YEATS4: variants seen among roughly 807,000 people sequenced by gnomAD.
YEATS4 encodes the protein YEATS domain-containing protein 4.
Under a neutral mutation model 30.1 loss-of-function variants are expected in YEATS4, and 17 were observed. The observed-to-expected ratio is 0.56, with a 90% confidence interval of 0.39 to 0.85. The LOEUF (loss-of-function observed/expected upper bound fraction) is 0.85, where lower values mean the gene tolerates loss of function less well. Among genes scored for constraint, YEATS4 ranks in the 40% least tolerant of loss-of-function variants. YEATS4 has a pLI of 0.00. For missense variants in YEATS4, 142 were observed against 268.3 expected (o/e 0.53, Z 3.29); for synonymous variants, 85 against 87.5 (o/e 0.97, Z 0.16).
At chr12:69,424,113 G>C in the YEATS4 span, among the ~76,000 whole-genome samples, 1 of 152,174 alleles carries the variant, frequency 6.6e-6, no homozygotes, top group East Asian at 1.9e-4. Flanking sequence ...ACAGAATAAA[G>C]ACCCTGGATT....
chr12:69,402,053 T>C, the YEATS4 span, among the ~76,000 whole-genome samples: 5 of 152,198 alleles, frequency 3.3e-5, no homozygotes, highest in African/African-American at 1.2e-4. Context: ...TTGTTTATCT[T>C]GGTAAGTGTG....
At chr12:69,364,081 C>A in intron 2 of YEATS4, 1 of 388,406 alleles carries the variant, frequency 2.6e-6, no homozygotes, top group Non-Finnish European at 5.1e-6. Context: ...GAGGTAAGTG[C>A]TAATGGATAT....
In YEATS4 at chr12:69,362,885, A is replaced by T. The variant is rs749714103; in HGVS notation, c.149A>T (p.Tyr50Phe). Residue 50 changes from tyrosine (Y) to phenylalanine (F), a missense_variant, in exon 2 of 7, where the codon TAT becomes TTT. By Grantham distance (22) the Tyr-to-Phe change is conservative. Coordinates refer to ENST00000247843, the MANE Select transcript of YEATS4 (RefSeq NM_006530.4). ...GGGCACACTCATCAGTGGACAGTAT[A>T]TGTGAAACCATATAGAAATGAGGTA... ...EDGHTHQWTV[Y>F]VKPYRNEDMS... The T allele has an allele frequency of 2.5e-6, 4 of 1,587,348 alleles. No individual in the cohort carries two copies. The highest frequency in any genetic ancestry group is 3.4e-6 in the Non-Finnish European group (4 of 1,166,170).
At chr12:69,374,398 T>G (rs1354531418) in intron 6 of YEATS4, among the ~76,000 whole-genome samples, 3 of 152,330 alleles carry the variant, frequency 2.0e-5, no homozygotes, top group East Asian at 1.9e-4. Context: ...TGAGATTACT[T>G]TCTTTTTTTT....
rs945140120 is a variant in YEATS4, at chr12:69,362,849, GAGA to G, written c.120_122del (p.Glu40del). 6 of 1,612,460 alleles carry G rather than the reference GAGA, an allele frequency of 3.7e-6. No individual in the cohort carries two copies. The highest frequency in any genetic ancestry group is 1.3e-5 in the African/African-American group (1 of 74,866). ...GTTGCTCGGTATTTTGGAAAGAAAA[GAGA>G]AGAAGATGGGCACACTCATCAGTGG... On this transcript the variant is annotated inframe_deletion, in exon 2 of 7. Coordinates refer to ENST00000247843, the MANE Select transcript of YEATS4 (RefSeq NM_006530.4).
At chr12:69,375,452 C>T (rs1197015559) in intron 6 of YEATS4, among the ~76,000 whole-genome samples, 1 of 149,636 alleles carries the variant, frequency 6.7e-6, no homozygotes, top group African/African-American at 2.5e-5. Flanking sequence ...CCTCACATCC[C>T]AGACGATGGG....
intron 6 of YEATS4, among the ~76,000 whole-genome samples, chr12:69,373,738 T>C (rs1450225929): frequency 6.6e-6 from 1 of 152,204 alleles, no homozygotes. Flanking sequence ...TGTTTTCTTT[T>C]AGTAGTTTAA....
the YEATS4 span, among the ~76,000 whole-genome samples, chr12:69,408,872 A>G: frequency 2.0e-5 from 3 of 152,202 alleles, no homozygotes; most frequent in African/African-American, 4.8e-5. Flanking sequence ...TCGCCCATCA[A>G]AAATAGTGAG....
At chr12:69,425,158 G>A in the YEATS4 span, among the ~76,000 whole-genome samples, 208 of 152,184 alleles carry the variant, frequency 1.4e-3, no homozygotes, top group African/African-American at 4.9e-3. Flanking sequence ...CCCAACCTCA[G>A]GTGATCTGTC....
chr12:69,419,850 A>T, the YEATS4 span, among the ~76,000 whole-genome samples: 1 of 152,174 alleles, frequency 6.6e-6, no homozygotes, highest in Non-Finnish European at 1.5e-5. Flanking sequence ...TGCTGGGAGG[A>T]CCTTCCAAAC....
the YEATS4 span, among the ~76,000 whole-genome samples, chr12:69,396,991 A>G: frequency 6.6e-6 from 1 of 152,198 alleles, no homozygotes; most frequent in Non-Finnish European, 1.5e-5. Context: ...TACCTCATGG[A>G]ATTCTGTTAA....
At chr12:69,417,044 G>A in the YEATS4 span, among the ~76,000 whole-genome samples, 3 of 151,414 alleles carry the variant, frequency 2.0e-5, no homozygotes, top group Admixed American at 2.0e-4. Flanking sequence ...CTGCACTCCA[G>A]CCTGGGCAAC....
the YEATS4 span, among the ~76,000 whole-genome samples, chr12:69,407,702 C>CTTTT: frequency 1.5e-3 from 93 of 62,642 alleles, 1 homozygote; most frequent in African/African-American, 2.9e-3. Flanking sequence ...TACTTTTTGT[C>CTTTT]TTTTTTTTTT....
intron 4 of YEATS4, among the ~76,000 whole-genome samples, chr12:69,367,718 T>G (rs1875492440): frequency 6.6e-6 from 1 of 152,178 alleles, no homozygotes; most frequent in Non-Finnish European, 1.5e-5. Flanking sequence ...TTTAAGGGAT[T>G]GAGAAGGATA....
chr12:69,378,360 A>G lies in YEATS4; in HGVS notation c.514+7385A>G, dbSNP rs570865112. Among the ~76,000 whole-genome samples, 9 of 151,978 alleles carry G rather than the reference A, an allele frequency of 5.9e-5. No homozygotes were observed. In the East Asian group the frequency reaches 1.7e-3, roughly 29 times the overall value. On this transcript the variant is annotated intron_variant, in intron 6 of 6. Transcript: ENST00000247843. ...TGGAGACTTTAGTCCATTTACATTC[A>G]CTGATATTGATATTTACATTCATTA...
At chr12:69,370,628 A>G (rs1875601400) in intron 4 of YEATS4, 78 bp from the exon 5 acceptor site, 1 of 1,180,076 alleles carries the variant, frequency 8.5e-7, no homozygotes, top group South Asian at 1.8e-5. Context: ...TCCAGTCTCT[A>G]TTTCAGTTAA....
chr12:69,397,125 G>A, the YEATS4 span, among the ~76,000 whole-genome samples: 1 of 152,080 alleles, frequency 6.6e-6, no homozygotes, highest in Non-Finnish European at 1.5e-5. Flanking sequence ...AACATAAAAA[G>A]GATAATAAGT....
downstream of YEATS4, among the ~76,000 whole-genome samples, chr12:69,392,301 C>T (rs1449657184): frequency 6.6e-6 from 1 of 152,172 alleles, no homozygotes; most frequent in Non-Finnish European, 1.5e-5. Context: ...TAAAATGGTT[C>T]AGCCACTTTG....
chr12:69,413,817 A>C, the YEATS4 span, among the ~76,000 whole-genome samples: 4 of 151,590 alleles, frequency 2.6e-5, no homozygotes, highest in African/African-American at 9.7e-5. Context: ...GCACCACTGC[A>C]CTCAAGCCTG....
Sources: gnomAD v4.1 joint callset for allele counts (sites outside exome capture counted in the v4.1 genomes callset) on GRCh38, gnomAD v4.1.1 for gene constraint, MANE v1.5 for transcripts, NCBI Gene and HGNC (gene_info 2026-07-23, HGNC 2026-07-21) for gene names.